ARL5C: variants seen among roughly 807,000 people sequenced by gnomAD.
ARL5C encodes the protein putative ADP-ribosylation factor-like protein 5C.
Under a neutral mutation model 20.8 loss-of-function variants are expected in ARL5C, and 21 were observed. The observed-to-expected ratio is 1.01, with a 90% CI of 0.72 to 1.46. The LOEUF is 1.46. Ranked by LOEUF, ARL5C falls within the 40% of genes most tolerant of loss-of-function variation. ARL5C has a pLI of 0.00. For synonymous variants in ARL5C, 71 were observed against 81.6 expected (o/e 0.87, Z 0.70); for missense variants, 199 against 225.1 (o/e 0.88, Z 0.74).
At chr17:39,159,577 A>C (rs543388042) in intron 5 of ARL5C, among the ~76,000 whole-genome samples, 1 of 152,068 alleles carries the variant, frequency 6.6e-6, no homozygotes, top group Non-Finnish European at 1.5e-5. Flanking sequence ...GATTACAGGC[A>C]TGAGCCACCG....
At chr17:39,163,859 G>A (rs752739995) in intron 2 of ARL5C, among the ~76,000 whole-genome samples, 12 of 151,664 alleles carry the variant, frequency 7.9e-5, no homozygotes, top group Non-Finnish European at 1.3e-4. Flanking sequence ...CTGCCTCCCG[G>A]GTTCAAGTGA....
chr17:39,160,337 AAAG>A (rs1444041683), intron 5 of ARL5C: 9 of 401,694 alleles, frequency 2.2e-5, no homozygotes, highest in African/African-American at 1.1e-4. Context: ...AAAAAAAAAA[AAAG>A]AGAGAGAGAT....
intron 1 of ARL5C, 150 bp downstream of exon 1, chr17:39,165,565 G>A: frequency 3.3e-6 from 3 of 913,274 alleles, no homozygotes; most frequent in Admixed American, 5.0e-5. Flanking sequence ...AGGCAGGGAC[G>A]GGGGCAGGGG....
intron 3 of ARL5C, 22 bp from the exon 4 acceptor site, chr17:39,161,373 TGA>T: frequency 6.5e-7 from 1 of 1,549,772 alleles, no homozygotes; most frequent in Non-Finnish European, 8.7e-7. Context: ...AGGGGAGCCG[TGA>T]GAGACAGGCT....
chr17:39,164,872 G>C, intron 2 of ARL5C: 1 of 495,018 alleles, frequency 2.0e-6, no homozygotes, highest in Non-Finnish European at 3.6e-6. Flanking sequence ...GAAAGCAGTG[G>C]GAGCTAGGGT....
Position 39,165,112 on chromosome 17 carries a change from T to C in ARL5C, c.74A>G (p.Asp25Gly). The C allele has an allele frequency of 6.4e-7, 1 of 1,551,660 alleles. No individual in the cohort carries two copies. The highest frequency in any genetic ancestry group is 8.7e-7 in the Non-Finnish European group (1 of 1,146,976). ...QEHTVIIVGLDNEGKTTILYR... is the reference protein window; with the variant it reads ...QEHTVIIVGLGNEGKTTILYR... ...GAGAATGGTGGTCTTTCCTTCATTG[T>C]CCAGTCCCACGATGATGACCGTGTG... The change falls in exon 2 of 6, where the codon GAC becomes GGC. Residue 25 changes from aspartate (D) to glycine (G), a missense_variant. Physicochemically the swap from Asp to Gly is moderately conservative, Grantham distance 94 (BLOSUM62 -1). Transcript: ENST00000269586.
At chr17:39,157,808 A>C (rs1365631224) in intron 5 of ARL5C, among the ~76,000 whole-genome samples, 1 of 147,392 alleles carries the variant, frequency 6.8e-6, no homozygotes, top group South Asian at 2.1e-4. Context: ...AAAAAGAAAA[A>C]AGTGGCCGGG....
At chr17:39,165,190 G>C in intron 1 of ARL5C, 51 bp from the exon 2 acceptor site, 2 of 1,533,616 alleles carry the variant, frequency 1.3e-6, no homozygotes. Flanking sequence ...GAAGACCAAG[G>C]GACTGTGTGC....
In ARL5C at chr17:39,165,061, C is replaced by A. The variant is rs377461848; in HGVS notation, c.107+18G>T. 3.9e-6 allele frequency: 6 copies of A among 1,551,388 alleles called. No homozygotes were observed. In the Admixed American group the frequency reaches 9.8e-5, roughly 25 times the overall value. On this transcript the variant is annotated intron_variant, in intron 2 of 5. Coordinates refer to ENST00000269586, the MANE Select transcript of ARL5C (RefSeq NM_001143968.1). Reference sequence around the variant, plus strand: ...GGGAGGCCCAGCTCTCTACCCTCCCCGCCCGAGAGTCACTTACAACCGGTA... The same window carrying A: ...GGGAGGCCCAGCTCTCTACCCTCCCAGCCCGAGAGTCACTTACAACCGGTA...
At chr17:39,163,713 T>C (rs1452117870) in intron 2 of ARL5C, among the ~76,000 whole-genome samples, 2 of 149,460 alleles carry the variant, frequency 1.3e-5, no homozygotes, top group Admixed American at 6.6e-5. Flanking sequence ...TTTTTTTTTT[T>C]TTTTTCCTTG....
In ARL5C at chr17:39,160,576, A is replaced by C. The variant is rs2045429112; in HGVS notation, c.491+15T>G. 5 of 1,551,392 alleles carry C rather than the reference A, an allele frequency of 3.2e-6. No individual in the cohort carries two copies. Among genetic ancestry groups the C allele is most frequent in the Non-Finnish European group, 4.4e-6 (5 of 1,146,728 alleles). On this transcript the variant is annotated intron_variant, in intron 5 of 5. Transcript: ENST00000269586. The stretch of plus-strand genomic sequence containing the variant: ...TCAGCCAGGCCCTAGAGATCCAGGT[A>C]GGGCAGCCACTAACCCTTCCCTGGT...
At chr17:39,160,509 G>A (rs1396062571) in intron 5 of ARL5C, 82 bp downstream of exon 5, 3 of 1,486,174 alleles carry the variant, frequency 2.0e-6, no homozygotes, top group South Asian at 2.6e-5. Context: ...TCTCACAGGA[G>A]AGAGGCAGGA....
At chr17:39,163,110 T>C (rs1208709038) in intron 2 of ARL5C, among the ~76,000 whole-genome samples, 1 of 152,142 alleles carries the variant, frequency 6.6e-6, no homozygotes, top group East Asian at 1.9e-4. Context: ...CTTTATCTCT[T>C]TTTTTCTTTT....
intron 3 of ARL5C, 97 bp from the exon 4 acceptor site, chr17:39,161,448 A>T (rs2045434675): frequency 1.9e-6 from 2 of 1,026,682 alleles, no homozygotes; most frequent in Non-Finnish European, 3.0e-6. Flanking sequence ...CACTGCCCAG[A>T]TGTCAGCCCC....
rs1189291798 is a variant in ARL5C at position 39,161,322 on chromosome 17, G to A, written c.285C>T (p.Asp95=). ...EFIILVIDST[D]RDRLLTTREE... is the part of the protein sequence containing the mutation. ...CCCGAGTGGTCAGCAGCCGATCCCG[G>A]TCCGTGCTGTCAATCACAAGGATGA... Residue 95 remains aspartate (D), a synonymous_variant, in exon 4 of 6, where the codon GAC becomes GAT. Coordinates refer to ENST00000269586, the MANE Select transcript of ARL5C (RefSeq NM_001143968.1). 12 of 1,551,928 alleles carry A rather than the reference G, an allele frequency of 7.7e-6. No homozygotes were observed. In the East Asian group the frequency reaches 2.9e-4, roughly 38 times the overall value.
At chr17:39,157,290 G>C (rs759362343) in intron 5 of ARL5C, among the ~76,000 whole-genome samples, 2 of 152,208 alleles carry the variant, frequency 1.3e-5, no homozygotes, top group African/African-American at 2.4e-5. Flanking sequence ...TCTGAGGAAG[G>C]AGCCTGGAGA....
chr17:39,158,430 G>A (rs1176645473), intron 5 of ARL5C, among the ~76,000 whole-genome samples: 3 of 152,118 alleles, frequency 2.0e-5, no homozygotes, highest in Admixed American at 1.3e-4. Context: ...CATGGGCAAC[G>A]TGGCAAAACC....
chr17:39,165,547 A>G, intron 1 of ARL5C, 168 bp downstream of exon 1: 1 of 775,404 alleles, frequency 1.3e-6, no homozygotes, highest in Non-Finnish European at 2.0e-6. Context: ...CCGGGACCCA[A>G]GAGGAGCAGG....
At chr17:39,165,538 C>G (rs567218845) in intron 1 of ARL5C, 177 bp downstream of exon 1, 2 of 730,296 alleles carry the variant, frequency 2.7e-6, no homozygotes, top group South Asian at 1.9e-5. Context: ...ACCGAAGCGC[C>G]GGGACCCAAG....
Sources: gnomAD v4.1 joint callset for allele counts (sites outside exome capture counted in the v4.1 genomes callset) on GRCh38, gnomAD v4.1.1 for gene constraint, MANE v1.5 for transcripts, NCBI Gene and HGNC (gene_info 2026-07-23, HGNC 2026-07-21) for gene names.